Variants in PCDHGA1 observed in about 807,000 individuals in gnomAD.
PCDHGA1 encodes the protein protocadherin gamma subfamily A, 1.
PCDHGA1 carries 32 observed loss-of-function variants against 58.0 expected under a neutral mutation model. The observed-to-expected ratio is 0.55, with a 90% CI of 0.42 to 0.74. The LOEUF is 0.74. PCDHGA1 is among the 30% of genes least tolerant of loss of function. PCDHGA1 has a pLI of 0.00. For missense variants in PCDHGA1, 1,205 were observed against 1,182.3 expected (o/e 1.02, Z -0.28); for synonymous variants, 498 against 501.1 (o/e 0.99, Z 0.08).
intron 1 of PCDHGA1, chr5:141,360,586 A>G (rs1761662791): frequency 6.2e-7 from 1 of 1,613,974 alleles, no homozygotes; most frequent in Admixed American, 1.7e-5. Flanking sequence ...GCCAGGTACA[A>G]CATTTCCACT....
intron 1 of PCDHGA1, among the ~76,000 whole-genome samples, chr5:141,336,296 G>A (rs923503487): frequency 3.9e-5 from 6 of 152,106 alleles, no homozygotes; most frequent in African/African-American, 1.4e-4. Context: ...CAGTAGGATT[G>A]CTTGAGCCCA....
chr5:141,381,233 C>T (rs978967101), intron 1 of PCDHGA1, among the ~76,000 whole-genome samples: 1 of 152,276 alleles, frequency 6.6e-6, no homozygotes, highest in African/African-American at 2.4e-5. Flanking sequence ...CCACCAACTA[C>T]TCTCCAGGAC....
chr5:141,433,347 CCTA>C, intron 1 of PCDHGA1: 1 of 626,716 alleles, frequency 1.6e-6, no homozygotes, highest in South Asian at 2.0e-5. Flanking sequence ...GTGCAAGCCA[CCTA>C]CTGTCTGCCT....
At chr5:141,413,650 C>T (rs1384444202) in intron 1 of PCDHGA1, 2 of 1,613,714 alleles carry the variant, frequency 1.2e-6, no homozygotes, top group Non-Finnish European at 1.7e-6. Flanking sequence ...TTTTCCTCTC[C>T]CGGAAGCTAT....
At chr5:141,509,544 A>AT (rs1312201678) in intron 3 of PCDHGA1, among the ~76,000 whole-genome samples, 1 of 152,150 alleles carries the variant, frequency 6.6e-6, no homozygotes, top group Non-Finnish European at 1.5e-5. Context: ...GCACCATCTC[A>AT]TTTAGTCCTC....
intron 1 of PCDHGA1, among the ~76,000 whole-genome samples, chr5:141,469,914 C>T (rs1451982311): frequency 6.6e-6 from 1 of 152,082 alleles, no homozygotes. Flanking sequence ...GCAGACCACC[C>T]GAGGTCAGGA....
At chr5:141,366,725 GCAAA>G (rs1561539069) in intron 1 of PCDHGA1, 1 of 1,613,584 alleles carries the variant, frequency 6.2e-7, no homozygotes, top group East Asian at 2.2e-5. Context: ...TAAGGTAGAT[GCAAA>G]CAAAGAAGAA....
intron 1 of PCDHGA1, chr5:141,345,792 C>G (rs1561490861): frequency 1.9e-6 from 3 of 1,614,100 alleles, no homozygotes; most frequent in African/African-American, 2.7e-5. Flanking sequence ...GCCCGGCTAC[C>G]TGGTGACCAA....
At chr5:141,360,285 C>A in intron 1 of PCDHGA1, 1 of 1,613,972 alleles carries the variant, frequency 6.2e-7, no homozygotes, top group Non-Finnish European at 8.5e-7. Context: ...TAGGAAACCT[C>A]GCCAAGGATC....
Position 141,431,583 on chromosome 5 carries a change from C to A in PCDHGA1, c.2422-63224C>A, listed in dbSNP as rs771534481. On this transcript the variant is annotated intron_variant, in intron 1 of 3. Transcript: ENST00000517417. The surrounding 1 kb of genome is among the most constrained non-coding windows in gnomAD (Gnocchi z 4.8). ...ACCGACCCTGACGAAGGAGTCAATGCGGAAGTGAGGTATTCCTTCCGGTAT... is the reference window on the plus strand; with the variant it reads ...ACCGACCCTGACGAAGGAGTCAATGAGGAAGTGAGGTATTCCTTCCGGTAT... The A allele has an allele frequency of 1.1e-5, 18 of 1,614,008 alleles. No individual in the cohort carries two copies. In the South Asian group the frequency reaches 1.2e-4, roughly 11 times the overall value.
At chr5:141,367,043 A>G (rs939220707) in intron 1 of PCDHGA1, 4 of 343,424 alleles carry the variant, frequency 1.2e-5, no homozygotes, top group African/African-American at 8.6e-5. Flanking sequence ...AGTTCTATTA[A>G]TAGAAAAGAT....
intron 1 of PCDHGA1, among the ~76,000 whole-genome samples, chr5:141,406,485 G>T (rs2094815755): frequency 6.6e-6 from 1 of 152,142 alleles, no homozygotes; most frequent in Non-Finnish European, 1.5e-5. Flanking sequence ...ATATTTTTCA[G>T]ATCACAAGTG....
intron 2 of PCDHGA1, among the ~76,000 whole-genome samples, chr5:141,504,178 A>C (rs572543892): frequency 4.5e-4 from 69 of 152,366 alleles, no homozygotes; most frequent in Non-Finnish European, 7.6e-4. Context: ...AAATTCAAAA[A>C]AATCATGAAA....
At chr5:141,368,627 T>C (rs1237870416) in intron 1 of PCDHGA1, among the ~76,000 whole-genome samples, 2 of 152,216 alleles carry the variant, frequency 1.3e-5, no homozygotes, top group Non-Finnish European at 2.9e-5. Context: ...ACATTTCTTC[T>C]GAGTTAAATG....
intron 1 of PCDHGA1, chr5:141,413,972 T>G: frequency 6.2e-7 from 1 of 1,613,420 alleles, no homozygotes; most frequent in Non-Finnish European, 8.5e-7. Context: ...ACTCAGCTGC[T>G]GACAGTCACA....
Position 141,504,677 on chromosome 5 carries a change from T to C in PCDHGA1, c.2481-716T>C, listed in dbSNP as rs552242248. 4.7e-5 allele frequency among the ~76,000 whole-genome samples: 7 copies of C among 147,580 alleles called. No homozygotes were observed. In the East Asian group the frequency reaches 1.5e-3, roughly 31 times the overall value. ...TTTGAGGGCGGGGGGTGGGGGTTCT[T>C]GTAAAATAGGAGGGGCAGGTTCTTC... On this transcript the variant is annotated intron_variant, in intron 2 of 3. Transcript: ENST00000517417.
intron 1 of PCDHGA1, chr5:141,408,411 C>T (rs2095101928): frequency 1.2e-6 from 2 of 1,614,034 alleles, no homozygotes; most frequent in African/African-American, 1.3e-5. Context: ...CGAGTGAGCG[C>T]GGAGAAGCTG....
intron 1 of PCDHGA1, among the ~76,000 whole-genome samples, chr5:141,462,030 T>C (rs1283795051): frequency 3.9e-5 from 6 of 152,122 alleles, no homozygotes; most frequent in Non-Finnish European, 8.8e-5. Flanking sequence ...TTCATGTTGG[T>C]CAGGCGGGTC....
In PCDHGA1 at chr5:141,490,770, C is replaced by T. The variant is rs774014462; in HGVS notation, c.2422-4037C>T. 1.2e-6 allele frequency: 2 copies of T among 1,614,120 alleles called. No individual in the cohort carries two copies. Among genetic ancestry groups the T allele is most frequent in the Non-Finnish European group, 8.5e-7 (1 of 1,179,968 alleles). ...CAGCCTCCTCCTTTGTGTATGTCAA[C>T]CCAGAGGATGGACGGATCTTTGCCC... On this transcript the variant is annotated intron_variant, in intron 1 of 3. Transcript: ENST00000517417. The surrounding 1 kb of genome is among the most constrained non-coding windows in gnomAD (Gnocchi z 5.4).
Sources: gnomAD v4.1 joint callset for allele counts (sites outside exome capture counted in the v4.1 genomes callset) on GRCh38, gnomAD v4.1.1 for gene constraint, Gnocchi (gnomAD v3.1) non-coding constraint, MANE v1.5 for transcripts, NCBI Gene and HGNC (gene_info 2026-07-23, HGNC 2026-07-21) for gene names.